NCK2: variants seen among roughly 807,000 people sequenced by gnomAD.
NCK2 encodes cytoplasmic protein NCK2.
NCK2 carries 16 observed loss-of-function variants against 33.9 expected under a neutral mutation model. That is an observed-to-expected ratio of 0.47 (90% CI 0.32 to 0.72). The LOEUF (loss-of-function observed/expected upper bound fraction) is 0.72. Among genes scored for constraint, NCK2 ranks in the 30% least tolerant of loss-of-function variants. NCK2 has a pLI of 0.03. For missense variants in NCK2, 418 were observed against 537.3 expected (o/e 0.78, Z 2.19); for synonymous variants, 273 against 239.9 (o/e 1.14, Z -1.27).
At chr2:105,809,171 G>A (rs1162087120) in intron 1 of NCK2, among the ~76,000 whole-genome samples, 1 of 152,112 alleles carries the variant, frequency 6.6e-6, no homozygotes, top group Admixed American at 6.5e-5. Flanking sequence ...GGCAAAGTGT[G>A]GGTCACCTGG....
At chr2:105,824,675 G>T (rs1675876406) in intron 2 of NCK2, among the ~76,000 whole-genome samples, 1 of 152,154 alleles carries the variant, frequency 6.6e-6, no homozygotes. Flanking sequence ...ACTGGGGCGT[G>T]CTCATGTGTG....
chr2:105,795,255 T>C (rs1360172211), intron 1 of NCK2, among the ~76,000 whole-genome samples: 1 of 152,254 alleles, frequency 6.6e-6, no homozygotes, highest in East Asian at 1.9e-4. Context: ...TAATTATTGC[T>C]TTTTAATGTG....
At chr2:105,847,101 G>C (rs749752785) in intron 2 of NCK2, 1 of 152,178 alleles carries the variant, frequency 6.6e-6, no homozygotes, top group African/African-American at 2.4e-5. Flanking sequence ...GAGGTACCTG[G>C]AGTTGTCAAA....
chr2:105,820,126 G>A lies in NCK2; in HGVS notation c.-17+3513G>A, dbSNP rs547514834. Among the ~76,000 whole-genome samples, 162 of 152,304 alleles carry A rather than the reference G, an allele frequency of 1.1e-3. 2 individuals carry two copies. The South Asian group carries it at 0.024, about 23-fold the overall frequency. On this transcript the variant is annotated intron_variant, in intron 2 of 4. Transcript: ENST00000233154. ...GTTGGGAATAAGTTTTAAAGAATGA[G>A]GAGACGTGTACAGAGGTATAATGTG...
chr2:105,836,278 G>GT (rs1376848899), intron 2 of NCK2, among the ~76,000 whole-genome samples: 1 of 151,840 alleles, frequency 6.6e-6, no homozygotes, highest in African/African-American at 2.4e-5. Context: ...AGGGAACAGA[G>GT]TTTTTTGTAG....
chr2:105,820,858 G>A lies in NCK2; in HGVS notation c.-17+4245G>A, dbSNP rs952995527. Among the ~76,000 whole-genome samples the A allele has an allele frequency of 2.0e-5, 3 of 152,178 alleles. No individual in the cohort carries two copies. In the East Asian group the frequency reaches 5.8e-4, roughly 29 times the overall value. ...GTGTAGTGGGATAGGAAGGACAGTGGCTTAGATGACACAACTCAAGTTTGA... is the reference window on the plus strand; with the variant it reads ...GTGTAGTGGGATAGGAAGGACAGTGACTTAGATGACACAACTCAAGTTTGA... On this transcript the variant is annotated intron_variant, in intron 2 of 4. Coordinates refer to ENST00000233154, the MANE Select transcript of NCK2 (RefSeq NM_003581.5).
At chr2:105,756,278 G>T (rs1483629046) in intron 1 of NCK2, among the ~76,000 whole-genome samples, 1 of 152,156 alleles carries the variant, frequency 6.6e-6, no homozygotes, top group African/African-American at 2.4e-5. Flanking sequence ...GGATAAACAC[G>T]AAATCATCAC....
chr2:105,858,617 T>C (rs1558873265), intron 3 of NCK2, among the ~76,000 whole-genome samples: 1 of 152,232 alleles, frequency 6.6e-6, no homozygotes, highest in Non-Finnish European at 1.5e-5. Flanking sequence ...AAAACCACAG[T>C]GTTGTGTATT....
intron 3 of NCK2, among the ~76,000 whole-genome samples, chr2:105,865,302 T>G (rs1677702025): frequency 6.6e-6 from 1 of 152,200 alleles, no homozygotes; most frequent in Non-Finnish European, 1.5e-5. Context: ...GAAATCATAA[T>G]AGCCTCATTT....
chr2:105,826,196 G>A (rs566250528), intron 2 of NCK2, among the ~76,000 whole-genome samples: 163 of 152,264 alleles, frequency 1.1e-3, no homozygotes, highest in African/African-American at 3.7e-3. Flanking sequence ...TTCACAGGGT[G>A]GCAAGAAGAA....
At chr2:105,791,098 G>A (rs181250613) in intron 1 of NCK2, among the ~76,000 whole-genome samples, 5 of 152,314 alleles carry the variant, frequency 3.3e-5, no homozygotes, top group Admixed American at 3.3e-4. Flanking sequence ...GGTACTGTAT[G>A]TGGGAGCCAC....
At chr2:105,868,373 A>G (rs1230388465) in intron 3 of NCK2, among the ~76,000 whole-genome samples, 1 of 152,160 alleles carries the variant, frequency 6.6e-6, no homozygotes, top group African/African-American at 2.4e-5. Context: ...CCAGAGGGCA[A>G]CTGTTCATAA....
chr2:105,758,309 C>T (rs1485144894), intron 1 of NCK2, among the ~76,000 whole-genome samples: 2 of 151,964 alleles, frequency 1.3e-5, no homozygotes, highest in Non-Finnish European at 2.9e-5. Context: ...CCTGTGCACA[C>T]ATTTTACAGG....
intron 1 of NCK2, among the ~76,000 whole-genome samples, chr2:105,749,441 T>G (rs1415183818): frequency 6.6e-6 from 1 of 152,202 alleles, no homozygotes; most frequent in African/African-American, 2.4e-5. Context: ...TGCAAAGTCC[T>G]CTTCACATAC....
chr2:105,807,297 C>T (rs1675084987), intron 1 of NCK2, among the ~76,000 whole-genome samples: 1 of 152,240 alleles, frequency 6.6e-6, no homozygotes, highest in African/African-American at 2.4e-5. Flanking sequence ...TCTAAAATCA[C>T]ACCCAGGTGC....
At chr2:105,882,848 AGAG>A (rs2104666165) in intron 4 of NCK2, among the ~76,000 whole-genome samples, 1 of 152,346 alleles carries the variant, frequency 6.6e-6, no homozygotes, top group Non-Finnish European at 1.5e-5. Flanking sequence ...TTTAGGAGAT[AGAG>A]TTTAATGTAT....
chr2:105,779,324 A>T (rs1690412971), intron 1 of NCK2, among the ~76,000 whole-genome samples: 1 of 151,720 alleles, frequency 6.6e-6, no homozygotes, highest in South Asian at 2.1e-4. Flanking sequence ...AAAAAAAAAA[A>T]GAATCCGTCA....
chr2:105,837,571 T>A (rs894101587), intron 2 of NCK2, among the ~76,000 whole-genome samples: 12 of 152,318 alleles, frequency 7.9e-5, no homozygotes, highest in African/African-American at 2.9e-4. Flanking sequence ...CTGAGCACTG[T>A]GCATGTCCCT....
intron 1 of NCK2, among the ~76,000 whole-genome samples, chr2:105,750,778 G>A (rs1233554262): frequency 6.6e-6 from 1 of 152,204 alleles, no homozygotes; most frequent in Admixed American, 6.5e-5. Context: ...CTTTAATTGA[G>A]ACCATGATAA....
Sources: allele counts gnomAD v4.1 joint callset (sites outside exome capture counted in the v4.1 genomes callset), GRCh38; gene constraint gnomAD v4.1.1; transcripts MANE v1.5; gene names NCBI Gene and HGNC (gene_info 2026-07-23, HGNC 2026-07-21).